Variants in CHEK1 observed in about 807,000 individuals in gnomAD.
CHEK1 encodes the protein checkpoint kinase 1, also known as serine/threonine-protein kinase Chk1.
CHEK1 carries 32 observed loss-of-function variants against 60.2 expected under a neutral mutation model. The observed-to-expected ratio is 0.53, with a 90% CI of 0.40 to 0.71. The LOEUF is 0.71. Among genes scored for constraint, CHEK1 ranks in the 30% least tolerant of loss-of-function variants. The pLI is 0.00. For synonymous variants in CHEK1, 179 were observed against 187.2 expected, an observed-to-expected ratio of 0.96 and a Z score of 0.36; for missense variants, 399 against 564.6, an observed-to-expected ratio of 0.71 and a Z score of 2.97.
rs562614871 is a variant in CHEK1, at chr11:125,651,039, A to G, written c.1234-2707A>G. On this transcript the variant is annotated intron_variant, in intron 11 of 12. Coordinates refer to ENST00000438015, the MANE Select transcript of CHEK1 (RefSeq NM_001114122.3). ...CCTAAGCATATGTACTGCCCTGGTC[A>G]TGGGTGTGTCTTTTTAGATTCCCAG... Among the ~76,000 whole-genome samples the G allele has an allele frequency of 7.2e-5, 11 of 152,128 alleles. No homozygotes were observed. The South Asian group carries it at 2.3e-3, about 32-fold the overall frequency.
chr11:125,659,832 A>AAAAAG (rs1941979985), downstream of CHEK1, among the ~76,000 whole-genome samples: 1 of 152,172 alleles, frequency 6.6e-6, no homozygotes. Flanking sequence ...TCATCCTTTC[A>AAAAAG]GAAAGAACCT....
chr11:125,640,287 A>G (rs1941235657), intron 8 of CHEK1, among the ~76,000 whole-genome samples: 1 of 152,046 alleles, frequency 6.6e-6, no homozygotes, highest in Non-Finnish European at 1.5e-5. Flanking sequence ...CACGCCTGTA[A>G]TCCCAGCACT....
intron 7 of CHEK1, among the ~76,000 whole-genome samples, chr11:125,636,473 A>C (rs1941079454): frequency 6.6e-6 from 1 of 152,140 alleles, no homozygotes; most frequent in Non-Finnish European, 1.5e-5. Flanking sequence ...CCCAGAAGCA[A>C]AATTGCAGGA....
At chr11:125,629,823 C>A (rs1271925539) in intron 5 of CHEK1, among the ~76,000 whole-genome samples, 1 of 152,008 alleles carries the variant, frequency 6.6e-6, no homozygotes, top group Non-Finnish European at 1.5e-5. Context: ...TAGGCTCAAG[C>A]AATCCTACCA....
chr11:125,651,054 T>C (rs1941708235), intron 11 of CHEK1, among the ~76,000 whole-genome samples: 2 of 152,092 alleles, frequency 1.3e-5, no homozygotes, highest in South Asian at 2.1e-4. Flanking sequence ...TGTGTCTTTT[T>C]AGATTCCCAG....
In CHEK1 at chr11:125,653,959, T is replaced by A. The variant is rs1941819042; in HGVS notation, c.1335+112T>A. Reference sequence around the variant, plus strand: ...TTTGTAAATAGGTTACTTGCTTTTTTCGTTTAATATTATGAGCATGTGTTT... The same window carrying A: ...TTTGTAAATAGGTTACTTGCTTTTTACGTTTAATATTATGAGCATGTGTTT... On this transcript the variant is annotated intron_variant, in intron 12 of 12. Transcript: ENST00000438015. This position sits in a 1 kb window ranked among gnomAD's most constrained non-coding sequence, Gnocchi z 4.3. 3 of 582,062 alleles carry A rather than the reference T, an allele frequency of 5.2e-6. No homozygotes were observed. The highest frequency in any genetic ancestry group is 8.9e-6 in the Non-Finnish European group (3 of 337,042). 36.1% of individuals were successfully genotyped at this position (582,062 alleles called of 1,614,324 possible).
At position 125,625,342 on chromosome 11, in the gene CHEK1, T is replaced by C. The variant is rs1372524101; in HGVS notation, c.-691T>C. 4 of 247,376 alleles carry C rather than the reference T, an allele frequency of 1.6e-5. No homozygotes were observed. The highest frequency in any genetic ancestry group is 5.1e-5 in the Admixed American group (1 of 19,610). 15.3% of individuals were successfully genotyped at this position (247,376 alleles called of 1,614,324 possible). ...TCAAGCTCCAACATAAACTGCTCGC[T>C]TTCTCCGGGAAACTTGCCCCGCCAC... On this transcript the variant is annotated 5_prime_UTR_variant, in exon 1 of 13. Transcript: ENST00000438015.
chr11:125,629,720 T>C (rs1228114799), intron 5 of CHEK1, among the ~76,000 whole-genome samples: 1 of 140,776 alleles, frequency 7.1e-6, no homozygotes, highest in Non-Finnish European at 1.6e-5. Flanking sequence ...ACTATATGTA[T>C]AAGAATAATT....
Position 125,638,682 on chromosome 11 carries a change from T to C in CHEK1, c.814+1138T>C, listed in dbSNP as rs3731429. ...CTGGACATGGTACAGGTGTCCTCCT[T>C]ATTCTTCATTGTCACTTTCTCCCAT... On this transcript the variant is annotated intron_variant, in intron 8 of 12. Coordinates refer to ENST00000438015, the MANE Select transcript of CHEK1 (RefSeq NM_001114122.3). Among the ~76,000 whole-genome samples the C allele has an allele frequency of 3.3e-4, 50 of 152,288 alleles. No individual in the cohort carries two copies. In the South Asian group the frequency reaches 0.01, roughly 32 times the overall value.
chr11:125,674,229 G>A (rs1220102684), intron 13 of CHEK1, among the ~76,000 whole-genome samples: 6 of 152,164 alleles, frequency 3.9e-5, no homozygotes, highest in Admixed American at 3.9e-4. Flanking sequence ...CAAGAGCTGA[G>A]AGAGATAAAA....
downstream of CHEK1, among the ~76,000 whole-genome samples, chr11:125,680,543 C>T (rs924751112): frequency 7.2e-5 from 11 of 152,158 alleles, 1 homozygote; most frequent in African/African-American, 2.7e-4. Context: ...GACCCTCTGA[C>T]TGTAAAGCTA....
At chr11:125,646,305 T>C (rs947296063) in intron 11 of CHEK1, among the ~76,000 whole-genome samples, 2 of 152,210 alleles carry the variant, frequency 1.3e-5, no homozygotes, top group Admixed American at 6.5e-5. Context: ...ATCAGTACTT[T>C]ATTCCTTTTT....
chr11:125,643,762 GA>G, intron 8 of CHEK1, 29 bp from the exon 9 acceptor site: 1 of 1,569,150 alleles, frequency 6.4e-7, no homozygotes, highest in South Asian at 1.1e-5. Flanking sequence ...TAGAAGACTT[GA>G]AAGCATTTGT....
At chr11:125,660,070 T>C (rs967211468), downstream of CHEK1, among the ~76,000 whole-genome samples, 1 of 152,238 alleles carries the variant, frequency 6.6e-6, no homozygotes, top group African/African-American at 2.4e-5. Flanking sequence ...GTGTGTGTAT[T>C]GTACATTCTG....
At chr11:125,671,178 C>T (rs184842751) in intron 13 of CHEK1, among the ~76,000 whole-genome samples, 33 of 152,264 alleles carry the variant, frequency 2.2e-4, no homozygotes, top group Non-Finnish European at 4.3e-4. Flanking sequence ...CAAGTGTGAG[C>T]CATCATGCCT....
intron 11 of CHEK1, among the ~76,000 whole-genome samples, chr11:125,648,027 G>A (rs966521573): frequency 6.6e-6 from 1 of 151,118 alleles, no homozygotes; most frequent in African/African-American, 2.4e-5. Flanking sequence ...ATTTTTTTAG[G>A]GTCTTTAATT....
chr11:125,642,103 A>G (rs527959798), intron 8 of CHEK1, among the ~76,000 whole-genome samples: 1 of 152,046 alleles, frequency 6.6e-6, no homozygotes, highest in African/African-American at 2.4e-5. Flanking sequence ...GACTGTTCCT[A>G]TGTCTGAAAA....
At chr11:125,633,824 A>G (rs1940958730) in intron 6 of CHEK1, among the ~76,000 whole-genome samples, 1 of 152,148 alleles carries the variant, frequency 6.6e-6, no homozygotes, top group Admixed American at 6.5e-5. Flanking sequence ...CATAGACTGC[A>G]TAGCTTATAA....
At chr11:125,672,743 G>A (rs1942262682) in intron 13 of CHEK1, 12 of 1,612,840 alleles carry the variant, frequency 7.4e-6, no homozygotes, top group Non-Finnish European at 1.0e-5. Flanking sequence ...ACAGACTAGT[G>A]AGCAGAAAGC....
Sources: gnomAD v4.1 joint callset for allele counts (sites outside exome capture counted in the v4.1 genomes callset) on GRCh38, gnomAD v4.1.1 for gene constraint, Gnocchi (gnomAD v3.1) non-coding constraint, MANE v1.5 for transcripts, NCBI Gene and HGNC (gene_info 2026-07-23, HGNC 2026-07-21) for gene names.